POLN: variants seen among roughly 807,000 people sequenced by gnomAD.
The protein encoded by POLN is DNA polymerase nu.
Under a neutral mutation model 113.5 loss-of-function variants are expected in POLN, and 108 were observed. The observed-to-expected ratio is 0.95, with a 90% confidence interval of 0.81 to 1.12. The LOEUF is 1.12. Ranked by LOEUF, POLN falls within the 50% of genes most tolerant of loss-of-function variation. The probability of loss-of-function intolerance (pLI) is 0.00; values close to 1 mark genes in which losing one functional copy is unlikely to be tolerated. For synonymous variants in POLN, 386 were observed against 391.5 expected (o/e 0.99, Z 0.17); for missense variants, 1,097 against 1,077.1 (o/e 1.02, Z -0.26).
intron 20 of POLN, 24 bp downstream of exon 20, chr4:2,095,827 C>T (rs750917653): frequency 6.2e-7 from 1 of 1,611,990 alleles, no homozygotes. Context: ...ACCCCGAGAC[C>T]CCAGCTCCCG....
intron 16 of POLN, among the ~76,000 whole-genome samples, chr4:2,151,305 G>C (rs944751421): frequency 1.3e-5 from 2 of 152,134 alleles, no homozygotes; most frequent in Non-Finnish European, 2.9e-5. Flanking sequence ...TAGAAAGACC[G>C]GCCAGATCAA....
In POLN at chr4:2,198,540, G is replaced by A. The variant is rs559658253; in HGVS notation, c.892C>T (p.His298Tyr). Residue 298 changes from histidine to tyrosine, a missense_variant, in exon 6 of 26, where the codon CAT becomes TAT. Transcript: ENST00000511885. ...ATTTCTTACCGGGCAAATTGTTGATGTGCCTCCTGTTCTTGGTCCCAGATA... is the reference window on the plus strand; with the variant it reads ...ATTTCTTACCGGGCAAATTGTTGATATGCCTCCTGTTCTTGGTCCCAGATA... ...SAIWDQEQEA[H>Y]QQFARNVLFQ... 132 of 1,609,708 alleles carry A rather than the reference G, an allele frequency of 8.2e-5. 1 individual carries two copies. In the South Asian group the frequency reaches 1.4e-3, roughly 16 times the overall value.
At chr4:2,094,761 T>C (rs186943574) in intron 20 of POLN, among the ~76,000 whole-genome samples, 6 of 152,214 alleles carry the variant, frequency 3.9e-5, no homozygotes, top group African/African-American at 1.4e-4. Context: ...ATCCACAGTT[T>C]TGGGGCGGGG....
In POLN at chr4:2,198,547, C is replaced by A. The variant is rs1007602497; in HGVS notation, c.885G>T (p.Gln295His). ...IEHSAIWDQE[Q>H]EAHQQFARNV... is the part of the protein sequence containing the mutation. ...ACCGGGCAAATTGTTGATGTGCCTC[C>A]TGTTCTTGGTCCCAGATAGCAGAGT... is the stretch of plus-strand genomic sequence containing the variant. The change falls in exon 6 of 26, where the codon CAG becomes CAT. Residue 295 changes from glutamine (Q) to histidine (H), a missense_variant. Transcript: ENST00000511885. The A allele has an allele frequency of 8.7e-6, 14 of 1,610,876 alleles. No homozygotes were observed. Among genetic ancestry groups the A allele is most frequent in the Non-Finnish European group, 1.2e-5 (14 of 1,178,602 alleles).
At chr4:2,089,944 G>A in intron 20 of POLN, 1 of 989,068 alleles carries the variant, frequency 1.0e-6, no homozygotes, top group Non-Finnish European at 1.6e-6. Flanking sequence ...GTTAGCTAGT[G>A]AAAGTTCTTT....
At chr4:2,224,562 G>A (rs942018718) in intron 3 of POLN, among the ~76,000 whole-genome samples, 4 of 152,098 alleles carry the variant, frequency 2.6e-5, no homozygotes, top group Admixed American at 2.6e-4. Context: ...GTTTGTGTAA[G>A]TTGACTGTAT....
Position 2,198,656 on chromosome 4 carries a change from T to C in POLN, c.776A>G (p.His259Arg), listed in dbSNP as rs748510119. ...ACAGGCCGGGGCATCTGGACAGCCATGGCCACCCTCTGCTTGGCGTTTTAC... is the reference window on the plus strand; with the variant it reads ...ACAGGCCGGGGCATCTGGACAGCCACGGCCACCCTCTGCTTGGCGTTTTAC... The part of the protein sequence containing the change: ...VLVKRQAEGG[H>R]GCPDAPACGP... The change falls in exon 6 of 26, where the codon CAT (histidine) becomes CGT (arginine). Residue 259 changes from histidine (H) to arginine (R), a missense_variant. By Grantham distance (29) the His-to-Arg change is conservative. Transcript: ENST00000511885. The C allele has an allele frequency of 1.3e-5, 21 of 1,613,638 alleles. No individual in the cohort carries two copies. The East Asian group carries it at 4.5e-4, about 34-fold the overall frequency.
At chr4:2,117,031 C>A (rs1257803125) in intron 19 of POLN, among the ~76,000 whole-genome samples, 2 of 152,236 alleles carry the variant, frequency 1.3e-5, no homozygotes, top group Non-Finnish European at 2.9e-5. Flanking sequence ...AAGGCTTACA[C>A]AAAACCAGGG....
At chr4:2,086,764 G>C (rs868576797) in intron 20 of POLN, among the ~76,000 whole-genome samples, 31 of 152,180 alleles carry the variant, frequency 2.0e-4, no homozygotes, top group Non-Finnish European at 8.8e-5. Flanking sequence ...CTGCCTTCCT[G>C]GGGGAGCATG....
intron 7 of POLN, among the ~76,000 whole-genome samples, chr4:2,184,521 C>T (rs1733224435): frequency 6.6e-6 from 1 of 151,984 alleles, no homozygotes; most frequent in African/African-American, 2.4e-5. Flanking sequence ...CCCTGTCATC[C>T]TGAACATGAA....
intron 6 of POLN, among the ~76,000 whole-genome samples, chr4:2,195,288 G>T (rs1733546408): frequency 6.6e-6 from 1 of 152,036 alleles, no homozygotes; most frequent in Admixed American, 6.6e-5. Flanking sequence ...TTCATTCAAT[G>T]ATAATATTGA....
intron 2 of POLN, 51 bp downstream of exon 2, chr4:2,241,466 TAAG>T (rs1185039306): frequency 1.0e-6 from 1 of 982,942 alleles, no homozygotes; most frequent in African/African-American, 1.7e-5. Flanking sequence ...CCTCCGTACG[TAAG>T]AAGACGCAAA....
intron 5 of POLN, among the ~76,000 whole-genome samples, chr4:2,200,491 T>C (rs992917442): frequency 6.6e-6 from 1 of 152,164 alleles, no homozygotes; most frequent in African/African-American, 2.4e-5. Context: ...CCCCAAATAC[T>C]GTGTTGGTAT....
At chr4:2,156,160 G>A (rs1328241961) in intron 16 of POLN, among the ~76,000 whole-genome samples, 1 of 152,076 alleles carries the variant, frequency 6.6e-6, no homozygotes, top group Admixed American at 6.5e-5. Flanking sequence ...AAATATATGT[G>A]CTTAGCAAAA....
In POLN at chr4:2,155,700, TTAAA is replaced by T. The variant is rs1244997213; in HGVS notation, c.1731+1084_1731+1087del. ...TTTATATATATATGTTAGTGTGTAC[TTAAA>T]TAATTCACATATTTAATTCATATAT... On this transcript the variant is annotated intron_variant, in intron 16 of 25. Coordinates refer to ENST00000511885, the MANE Select transcript of POLN (RefSeq NM_181808.4). Among the ~76,000 whole-genome samples the T allele has an allele frequency of 2.9e-4, 44 of 152,192 alleles. 1 individual carries two copies. The highest frequency in any genetic ancestry group is 3.2e-3 in the Middle Eastern group (1 of 316).
At chr4:2,231,857 GTGT>G in intron 2 of POLN, 1 of 682,418 alleles carries the variant, frequency 1.5e-6, no homozygotes, top group Non-Finnish European at 2.5e-6. Context: ...AAATTTAGTA[GTGT>G]TTATTATACA....
intron 3 of POLN, among the ~76,000 whole-genome samples, chr4:2,225,586 T>C (rs1002689508): frequency 6.6e-6 from 1 of 150,570 alleles, no homozygotes; most frequent in African/African-American, 2.5e-5. Context: ...GAAAATTGTG[T>C]GGAATTACAG....
Position 2,085,708 on chromosome 4 carries a change from A to G in POLN, c.2102T>C (p.Ile701Thr), listed in dbSNP as rs1211528479. 1 of 1,614,060 alleles carries G rather than the reference A, an allele frequency of 6.2e-7. No individual in the cohort carries two copies. The highest frequency in any genetic ancestry group is 2.2e-5 in the East Asian group (1 of 44,890). The change falls in exon 21 of 26, where the codon ATT becomes ACT. Residue 701 changes from isoleucine to threonine, a missense_variant. Transcript: ENST00000511885. ...CTCCAAAAACTGGGCAGCTTCCTGA[A>G]TAGGAACTCCAAGGCAAGCAGCCAG... ...ERLAACLGVP[I>T]QEAAQFLESF... is the part of the protein sequence containing the mutation.
In POLN at chr4:2,213,060, G is replaced by C. The variant is rs755652184; in HGVS notation, c.200C>G (p.Ser67Ter). ...SVQLEDRKTQSPEKKDLKSLR... is the reference protein window; with the variant it reads ...SVQLEDRKTQ ...GCAATGATTTACCTTTTTTTCTGGT[G>C]ATTGAGTCTTCCTGTCTTCAAGTTG... is the stretch of plus-strand genomic sequence containing the variant. The change falls in exon 4 of 26, where the codon TCA (serine) becomes TGA (stop). Residue 67 changes from serine to a stop codon, truncating the protein, a stop_gained. Coordinates refer to ENST00000511885, the MANE Select transcript of POLN (RefSeq NM_181808.4). LOFTEE classifies it high-confidence loss of function. 2.5e-6 allele frequency: 4 copies of C among 1,604,920 alleles called. No homozygotes were observed. Among genetic ancestry groups the C allele is most frequent in the Non-Finnish European group, 8.5e-7 (1 of 1,175,732 alleles).
Sources: gnomAD v4.1 joint callset for allele counts (sites outside exome capture counted in the v4.1 genomes callset) on GRCh38, gnomAD v4.1.1 for gene constraint, MANE v1.5 for transcripts, NCBI Gene and HGNC (gene_info 2026-07-23, HGNC 2026-07-21) for gene names.